Variants in NFASC observed in about 807,000 individuals in gnomAD.
The protein encoded by NFASC is neurofascin homolog.
In NFASC, 43 loss-of-function variants were observed where a neutral mutation model predicts 147.5. That is an observed-to-expected ratio of 0.29 (90% CI 0.23 to 0.38). NFASC has a LOEUF of 0.38. Among genes scored for constraint, NFASC ranks in the 10% least tolerant of loss-of-function variants. NFASC has a pLI of 1.00. For synonymous variants in NFASC, 622 were observed against 665.5 expected, an observed-to-expected ratio of 0.93 and a Z score of 1.01; for missense variants, 1,320 against 1,689.0, an observed-to-expected ratio of 0.78 and a Z score of 3.83.
intron 3 of NFASC, chr1:204,946,752 G>A (rs1196944409): frequency 1.9e-6 from 1 of 519,006 alleles, no homozygotes; most frequent in South Asian, 1.4e-5. Flanking sequence ...TCCTCTGCAA[G>A]TGGATGAACA....
intron 1 of NFASC, among the ~76,000 whole-genome samples, chr1:204,892,819 G>A (rs193110237): frequency 1.1e-3 from 173 of 152,222 alleles, no homozygotes; most frequent in Middle Eastern, 3.4e-3. Context: ...CCCATTTGTG[G>A]CTTACACTAT....
intron 23 of NFASC, chr1:204,990,248 C>T (rs1459271483): frequency 1.3e-5 from 2 of 152,178 alleles, no homozygotes; most frequent in Non-Finnish European, 2.9e-5. Flanking sequence ...CCTGGGCACT[C>T]GGGAAGTTTA....
Position 205,004,988 on chromosome 1 carries a change from C to T in NFASC, c.3289+2240C>T, listed in dbSNP as rs527924512. ...CCCATCAGCCCTTCTGTGCTGGGGG[C>T]GGGATGGGGTAAGGCAGGAGGATGG... On this transcript the variant is annotated intron_variant, in intron 27 of 29. Coordinates refer to ENST00000339876, the MANE Select transcript of NFASC (RefSeq NM_001005388.3). Among the ~76,000 whole-genome samples the T allele has an allele frequency of 5.9e-5, 9 of 152,254 alleles. No individual in the cohort carries two copies. In the East Asian group the frequency reaches 9.7e-4, roughly 16 times the overall value.
In NFASC at chr1:204,877,025, TATAATA is replaced by T. The variant is rs1460944949; in HGVS notation, c.-199-43606_-199-43601del. ...ATATATATATATATATATATATATA[TATAATA>T]TATATTTATATATATATAATATATT... On this transcript the variant is annotated intron_variant, in intron 1 of 29. Coordinates refer to ENST00000339876, the MANE Select transcript of NFASC (RefSeq NM_001005388.3). Among the ~76,000 whole-genome samples the T allele has an allele frequency of 6.3e-3, 635 of 101,456 alleles. 34 individuals are homozygous for T. Among genetic ancestry groups the T allele is most frequent in the African/African-American group, 0.027 (579 of 21,830 alleles). 66.6% of individuals were successfully genotyped at this position (101,456 alleles called of 152,430 possible).
Position 205,016,540 on chromosome 1 carries a change from C to T in NFASC, c.*1C>T, listed in dbSNP as rs145069911. On this transcript the variant is annotated 3_prime_UTR_variant, in exon 30 of 30. Transcript: ENST00000339876. The surrounding 1 kb of genome is among the most constrained non-coding windows in gnomAD (Gnocchi z 5.1). ...CAATGCTATCTACTCTCTGGCCTAA[C>T]GGAGCCCACCCAGGCACAGCCACCA... 1.4e-4 allele frequency: 225 copies of T among 1,609,244 alleles called. 2 individuals are homozygous for T. Among genetic ancestry groups the T allele is most frequent in the East Asian group, 5.4e-4 (24 of 44,854 alleles).
chr1:204,946,939 C>G, intron 3 of NFASC: 1 of 381,784 alleles, frequency 2.6e-6, no homozygotes, highest in South Asian at 1.9e-5. Flanking sequence ...TCCCTGCTGC[C>G]CTCAAGGCTG....
intron 23 of NFASC, among the ~76,000 whole-genome samples, chr1:204,990,779 C>T (rs1310659672): frequency 6.6e-6 from 1 of 152,072 alleles, no homozygotes; most frequent in Admixed American, 6.6e-5. Flanking sequence ...CCTATCCATC[C>T]CACTATTCAG....
intron 24 of NFASC, among the ~76,000 whole-genome samples, chr1:204,992,337 G>A (rs1459367179): frequency 2.0e-5 from 3 of 152,166 alleles, no homozygotes; most frequent in Non-Finnish European, 2.9e-5. Context: ...TGAAGGGGAT[G>A]CCACCTTGCC....
chr1:204,890,851 T>C (rs529330226), intron 1 of NFASC, among the ~76,000 whole-genome samples: 5 of 152,030 alleles, frequency 3.3e-5, no homozygotes, highest in African/African-American at 1.2e-4. Context: ...ATTACAGGCG[T>C]GAGCCACCGC....
intron 17 of NFASC, 86 bp from the exon 18 acceptor site, chr1:204,978,882 C>A: frequency 9.4e-7 from 1 of 1,067,142 alleles, no homozygotes; most frequent in Non-Finnish European, 1.4e-6. Flanking sequence ...GAAGACAGCC[C>A]GTCAGGGAGC....
At chr1:204,910,127 G>T (rs1467657648) in intron 1 of NFASC, among the ~76,000 whole-genome samples, 2 of 151,516 alleles carry the variant, frequency 1.3e-5, no homozygotes, top group East Asian at 3.9e-4. Flanking sequence ...AATTTTGTTG[G>T]GATTTTAATA....
chr1:204,830,016 T>TGTGC (rs2102310598), intron 1 of NFASC, among the ~76,000 whole-genome samples: 1 of 145,854 alleles, frequency 6.9e-6, no homozygotes, highest in East Asian at 2.0e-4. Flanking sequence ...GGTGTGTGTG[T>TGTGC]GTGTGTGTGT....
intron 1 of NFASC, among the ~76,000 whole-genome samples, chr1:204,845,748 T>G (rs186741139): frequency 6.6e-6 from 1 of 151,446 alleles, no homozygotes; most frequent in Admixed American, 6.6e-5. Context: ...AAAAAATTTT[T>G]TAAAAATCAG....
At position 205,007,259 on chromosome 1, in the gene NFASC, G is replaced by A. The variant is rs566121650; in HGVS notation, c.3290-2298G>A. ...ATTAAAAAAACAATTAGCTAGGCAT[G>A]GTGACATGCACTCGTAGTCCCAGCT... On this transcript the variant is annotated intron_variant, in intron 27 of 29. Coordinates refer to ENST00000339876, the MANE Select transcript of NFASC (RefSeq NM_001005388.3). 1.6e-3 allele frequency among the ~76,000 whole-genome samples: 237 copies of A among 152,108 alleles called. 2 individuals are homozygous for A. Among genetic ancestry groups the A allele is most frequent in the African/African-American group, 5.4e-3 (223 of 41,456 alleles).
chr1:204,997,711 G>A (rs1227685717), intron 25 of NFASC: 2 of 494,342 alleles, frequency 4.0e-6, no homozygotes, highest in Non-Finnish European at 7.4e-6. Flanking sequence ...CCTTGGGCAG[G>A]GCCCCCAGGT....
rs893839884 is a variant in NFASC, at chr1:204,987,352, T to C, written c.2471-66T>C. 1.2e-4 allele frequency: 180 copies of C among 1,489,668 alleles called. 1 individual carries two copies. The highest frequency in any genetic ancestry group is 2.5e-5 in the Non-Finnish European group (27 of 1,085,134). The allele number at this position is 1,489,668 out of a possible 1,614,324, so 92.3% of individuals were successfully genotyped here. A position where few individuals can be genotyped will look rare whatever the true frequency, so the allele number is the denominator to read the frequency against. The stretch of plus-strand genomic sequence containing the variant: ...TGCCTTCATACTTGTGCTTTGTTTT[T>C]TGTGTTTTCCTCATCCTCCCTGCCC... On this transcript the variant is annotated intron_variant, in intron 21 of 29. Transcript: ENST00000339876. This position sits in a 1 kb window ranked among gnomAD's most constrained non-coding sequence, Gnocchi z 4.4.
At chr1:204,976,248 G>A (rs2095400998) in intron 15 of NFASC, among the ~76,000 whole-genome samples, 1 of 152,158 alleles carries the variant, frequency 6.6e-6, no homozygotes, top group African/African-American at 2.4e-5. Flanking sequence ...GGTCAGGCTG[G>A]CCTGAGCATG....
At chr1:204,991,363 C>T in intron 24 of NFASC, 57 bp downstream of exon 24, 1 of 1,580,146 alleles carries the variant, frequency 6.3e-7, no homozygotes, top group South Asian at 1.1e-5. Flanking sequence ...AGGCGGAGCC[C>T]AGCCCAGCCA....
chr1:204,847,041 G>A (rs1038877774), intron 1 of NFASC, among the ~76,000 whole-genome samples: 4 of 151,948 alleles, frequency 2.6e-5, no homozygotes, highest in African/African-American at 7.3e-5. Context: ...GGAGATTTCT[G>A]TCTCCACTGG....
Sources: allele counts gnomAD v4.1 joint callset (sites outside exome capture counted in the v4.1 genomes callset), GRCh38; gene constraint gnomAD v4.1.1; non-coding constraint Gnocchi (gnomAD v3.1); transcripts MANE v1.5; gene names NCBI Gene and HGNC (gene_info 2026-07-23, HGNC 2026-07-21).